Variants in SPAG9 observed in about 807,000 individuals in gnomAD.
SPAG9 encodes the protein sperm associated antigen 9, also known as C-Jun-amino-terminal kinase-interacting protein 4.
In SPAG9, 35 loss-of-function variants were observed where a neutral mutation model predicts 166.5. That is an observed-to-expected ratio of 0.21 (90% CI 0.16 to 0.28). The LOEUF (loss-of-function observed/expected upper bound fraction) is 0.28. SPAG9 is among the 10% of genes least tolerant of loss of function. The pLI is 1.00. For missense variants in SPAG9, 1,235 were observed against 1,603.3 expected (o/e 0.77, Z 3.92); for synonymous variants, 534 against 565.5 (o/e 0.94, Z 0.79).
At chr17:50,995,324 C>A in intron 17 of SPAG9, 100 bp from the exon 18 acceptor site, 2 of 1,324,222 alleles carry the variant, frequency 1.5e-6, no homozygotes, top group South Asian at 1.4e-5. Context: ...GTCTTATAAC[C>A]TAATATTATA....
At chr17:51,068,409 A>G (rs1347704960) in intron 2 of SPAG9, among the ~76,000 whole-genome samples, 1 of 152,208 alleles carries the variant, frequency 6.6e-6, no homozygotes, top group Non-Finnish European at 1.5e-5. Context: ...TATTCTCAAA[A>G]CAGAGTAGGA....
intron 6 of SPAG9, among the ~76,000 whole-genome samples, chr17:51,023,617 T>C (rs1249691263): frequency 1.3e-5 from 2 of 152,124 alleles, no homozygotes; most frequent in Non-Finnish European, 2.9e-5. Flanking sequence ...CCTCTGCAAA[T>C]AATTGGGAAA....
intron 4 of SPAG9, among the ~76,000 whole-genome samples, chr17:51,044,037 G>A (rs2144419971): frequency 6.6e-6 from 1 of 152,234 alleles, no homozygotes; most frequent in Non-Finnish European, 1.5e-5. Flanking sequence ...TACAGGGAGG[G>A]GAGATCTCTT....
At chr17:51,077,078 C>CTAGCTAGCTATCTAGCTAGCTATCTAGT (rs2048029797) in intron 2 of SPAG9, among the ~76,000 whole-genome samples, 1 of 116,680 alleles carries the variant, frequency 8.6e-6, no homozygotes, top group Non-Finnish European at 1.8e-5. Context: ...AGCTATCTAG[C>CTAGCTAGCTATCTAGCTAGCTATCTAGT]TATCTAGCTA....
In SPAG9 at chr17:50,989,687, A is replaced by G; in HGVS notation, c.2803T>C (p.Tyr935His). The G allele has an allele frequency of 6.2e-7, 1 of 1,614,042 alleles. No homozygotes were observed. Among genetic ancestry groups the G allele is most frequent in the Non-Finnish European group, 8.5e-7 (1 of 1,179,920 alleles). Residue 935 changes from tyrosine (Y) to histidine (H), a missense_variant, in exon 21 of 30, where the codon TAT (tyrosine) becomes CAT (histidine). Physicochemically the swap from Tyr to His is moderately conservative, Grantham distance 83. Around this residue, in one of 6 missense-constraint regions of SPAG9, gnomAD observed 493 missense variants for 559.4 expected, o/e 0.88. Coordinates refer to ENST00000262013, the MANE Select transcript of SPAG9 (RefSeq NM_001130528.3). ...VQIPEDLSPV[Y>H]QSSNDSDAYK... ...GACCCATTATTATACCTCGACTGAT[A>G]CACTGGGGAGAGGTCTTCTGGGATC...
At chr17:51,053,888 T>A (rs1327561844) in intron 3 of SPAG9, among the ~76,000 whole-genome samples, 4 of 105,678 alleles carry the variant, frequency 3.8e-5, no homozygotes, top group Admixed American at 9.2e-5. Flanking sequence ...TATATATATA[T>A]ATATATATAT....
At chr17:50,978,492 G>C (rs1418046018) in intron 26 of SPAG9, among the ~76,000 whole-genome samples, 1 of 152,202 alleles carries the variant, frequency 6.6e-6, no homozygotes, top group Non-Finnish European at 1.5e-5. Flanking sequence ...AGGTGCTAAA[G>C]ATAGAGCAGG....
intron 2 of SPAG9, among the ~76,000 whole-genome samples, chr17:51,066,567 G>GAAAAAAAAAAAAAAAAAAAAAAA (rs71149340): frequency 3.6e-5 from 4 of 110,828 alleles, no homozygotes; most frequent in African/African-American, 3.6e-5. Flanking sequence ...AAAAAAAAAA[G>GAAAAAAAAAAAAAAAAAAAAAAA]AAAAAAAAAA....
intron 11 of SPAG9, 27 bp from the exon 12 acceptor site, chr17:51,005,290 A>G: frequency 6.2e-7 from 1 of 1,608,948 alleles, no homozygotes. Context: ...AAAACAAAAC[A>G]TGTTATTTGA....
At chr17:51,073,581 G>C (rs1287233042) in intron 2 of SPAG9, among the ~76,000 whole-genome samples, 1 of 151,884 alleles carries the variant, frequency 6.6e-6, no homozygotes. Flanking sequence ...AAAACCTAAG[G>C]TGGTAAAGTG....
chr17:51,110,510 G>A (rs756168359), intron 1 of SPAG9, among the ~76,000 whole-genome samples: 2 of 151,450 alleles, frequency 1.3e-5, no homozygotes, highest in Non-Finnish European at 2.9e-5. Context: ...GGGCAACATG[G>A]TGAAACCCGT....
At chr17:51,067,856 G>A (rs1191708401) in intron 2 of SPAG9, among the ~76,000 whole-genome samples, 1 of 152,126 alleles carries the variant, frequency 6.6e-6, no homozygotes, top group Non-Finnish European at 1.5e-5. Context: ...CTTTCTATCC[G>A]TCTTTCCAAA....
At chr17:51,046,596 G>T (rs963895725) in intron 4 of SPAG9, 1 of 1,535,978 alleles carries the variant, frequency 6.5e-7, no homozygotes, top group Non-Finnish European at 8.7e-7. Context: ...TAAGATAGCA[G>T]AATTAATGAC....
At chr17:51,112,002 T>C (rs1325848289) in intron 1 of SPAG9, among the ~76,000 whole-genome samples, 2 of 151,972 alleles carry the variant, frequency 1.3e-5, no homozygotes, top group African/African-American at 4.8e-5. Context: ...AATCTCAAAT[T>C]TAAAAAAAGA....
Position 50,982,440 on chromosome 17 carries a change from A to G in SPAG9, c.3237+84T>C, listed in dbSNP as rs985078111. On this transcript the variant is annotated intron_variant, in intron 25 of 29. Transcript: ENST00000262013. ...ACACACAGATCCAGAAACAATTTCT[A>G]AAGAAGCTGAAAATAATTATAGTCT... The G allele has an allele frequency of 1.0e-5, 13 of 1,280,586 alleles. 1 individual carries two copies. The highest frequency in any genetic ancestry group is 2.4e-5 in the East Asian group (1 of 41,564). The allele number at this position is 1,280,586 out of a possible 1,614,324, so 79.3% of individuals were successfully genotyped here.
At chr17:51,096,006 G>GATATATATATAGTGATATATATAGTGAT (rs1555659815) in intron 1 of SPAG9, among the ~76,000 whole-genome samples, 1 of 88,576 alleles carries the variant, frequency 1.1e-5, no homozygotes, top group Non-Finnish European at 2.2e-5. Flanking sequence ...TATATATAGT[G>GATATATATATAGTGATATATATAGTGAT]ATATATATAT....
intron 3 of SPAG9, among the ~76,000 whole-genome samples, chr17:51,056,162 T>C (rs2047357422): frequency 1.3e-5 from 2 of 152,214 alleles, no homozygotes; most frequent in African/African-American, 4.8e-5. Context: ...AGAGAAGTAC[T>C]ATAGCTGCCT....
chr17:50,986,464 G>A (rs1374781132), intron 22 of SPAG9, among the ~76,000 whole-genome samples: 1 of 152,150 alleles, frequency 6.6e-6, no homozygotes, highest in Non-Finnish European at 1.5e-5. Context: ...CATAACAGTT[G>A]AGTATTCCTA....
At chr17:51,099,309 T>C (rs988136924) in intron 1 of SPAG9, among the ~76,000 whole-genome samples, 2 of 150,558 alleles carry the variant, frequency 1.3e-5, no homozygotes, top group Non-Finnish European at 3.0e-5. Flanking sequence ...GGCGCATTCC[T>C]ATAATCCCAG....
Sources: allele counts gnomAD v4.1 joint callset (sites outside exome capture counted in the v4.1 genomes callset), GRCh38; gene constraint gnomAD v4.1.1; regional missense constraint gnomAD v4.1.1; transcripts MANE v1.5; gene names NCBI Gene and HGNC (gene_info 2026-07-23, HGNC 2026-07-21).